CHRNA6: variants seen among roughly 807,000 people sequenced by gnomAD.
The protein encoded by CHRNA6 is neuronal acetylcholine receptor subunit alpha-6.
Under a neutral mutation model 40.9 loss-of-function variants are expected in CHRNA6, and 31 were observed. The observed-to-expected ratio is 0.76, with a 90% confidence interval of 0.57 to 1.02. CHRNA6 has a LOEUF of 1.02. Among genes scored for constraint, CHRNA6 ranks in the 50% least tolerant of loss-of-function variants. CHRNA6 has a pLI of 0.00. For synonymous variants in CHRNA6, 222 were observed against 221.3 expected, an observed-to-expected ratio of 1.00 and a Z score of -0.03; for missense variants, 546 against 596.6, an observed-to-expected ratio of 0.92 and a Z score of 0.88.
chr8:42,767,152 A>G (rs1014036397), intron 1 of CHRNA6, among the ~76,000 whole-genome samples: 2 of 152,158 alleles, frequency 1.3e-5, no homozygotes, highest in African/African-American at 4.8e-5. Context: ...TATTTTTAGT[A>G]GAGACGGGGT....
intron 3 of CHRNA6, among the ~76,000 whole-genome samples, chr8:42,758,205 T>A (rs1347064878): frequency 6.6e-6 from 1 of 152,168 alleles, no homozygotes; most frequent in Non-Finnish European, 1.5e-5. Flanking sequence ...GATTATTAGT[T>A]AGCTGGTTAA....
chr8:42,765,357 T>C (rs1299133864), intron 1 of CHRNA6, among the ~76,000 whole-genome samples, 153 bp from the exon 2 acceptor site: 1 of 152,198 alleles, frequency 6.6e-6, no homozygotes, highest in Non-Finnish European at 1.5e-5. Context: ...GCTCCACCAG[T>C]GCCCATCTCA....
intron 2 of CHRNA6, among the ~76,000 whole-genome samples, chr8:42,764,275 CT>C (rs1236086325): frequency 3.3e-5 from 5 of 152,028 alleles, no homozygotes; most frequent in East Asian, 3.9e-4. Context: ...TTCCCAACCT[CT>C]TTTTTTTCCC....
chr8:42,766,473 C>T (rs1396463795), intron 1 of CHRNA6, among the ~76,000 whole-genome samples: 3 of 146,300 alleles, frequency 2.1e-5, no homozygotes, highest in East Asian at 3.9e-4. Context: ...GCCTGGGCGA[C>T]AGAGTGAGAC....
At chr8:42,763,846 G>C (rs1276249182) in intron 2 of CHRNA6, among the ~76,000 whole-genome samples, 1 of 152,192 alleles carries the variant, frequency 6.6e-6, no homozygotes, top group East Asian at 1.9e-4. Context: ...CCACTGAGAA[G>C]CATGGACTGG....
At position 42,753,175 on chromosome 8, in the gene CHRNA6, C is replaced by T; in HGVS notation, c.*4G>A. 6.3e-7 allele frequency: 1 copy of T among 1,589,198 alleles called. No individual in the cohort carries two copies. The highest frequency in any genetic ancestry group is 2.2e-5 in the East Asian group (1 of 44,710). On this transcript the variant is annotated 3_prime_UTR_variant, in exon 6 of 6. Transcript: ENST00000276410. ...AAATTTCTGAACATAAAAGAAAATA[C>T]ATTTTAAGATTTTCCTGTGTTCCCA...
At chr8:42,757,773 C>T (rs1816829734) in intron 3 of CHRNA6, among the ~76,000 whole-genome samples, 1 of 149,284 alleles carries the variant, frequency 6.7e-6, no homozygotes, top group Admixed American at 6.7e-5. Context: ...ATGGCTCACG[C>T]CTGTAATCCC....
chr8:42,760,101 G>A (rs1816876289), intron 2 of CHRNA6, among the ~76,000 whole-genome samples: 1 of 152,150 alleles, frequency 6.6e-6, no homozygotes, highest in Non-Finnish European at 1.5e-5. Flanking sequence ...TGTTAGATGG[G>A]GAGACATAAA....
At chr8:42,765,273 A>C (rs1816961366) in intron 1 of CHRNA6, 69 bp from the exon 2 acceptor site, 8 of 1,557,080 alleles carry the variant, frequency 5.1e-6, no homozygotes, top group Non-Finnish European at 6.2e-6. Context: ...ATTCTAGGCA[A>C]TTCTTCCCGG....
intron 3 of CHRNA6, among the ~76,000 whole-genome samples, chr8:42,758,364 T>C (rs1273983489): frequency 1.3e-5 from 2 of 149,744 alleles, no homozygotes; most frequent in Non-Finnish European, 3.0e-5. Context: ...TTTTTTTTTG[T>C]TTTGTTTTGT....
chr8:42,758,358 T>TTTTTG (rs1554594203), intron 3 of CHRNA6, among the ~76,000 whole-genome samples: 4 of 151,946 alleles, frequency 2.6e-5, no homozygotes, highest in East Asian at 1.9e-4. Flanking sequence ...TTCTGTTTTT[T>TTTTTG]TTTTGTTTTG....
intron 5 of CHRNA6, among the ~76,000 whole-genome samples, chr8:42,753,761 C>T (rs1461351729): frequency 1.3e-5 from 2 of 152,176 alleles, no homozygotes; most frequent in African/African-American, 2.4e-5. Context: ...AATTTTGTTT[C>T]GTTTGCAGAG....
At chr8:42,753,389 G>T in intron 5 of CHRNA6, 79 bp from the exon 6 acceptor site, 1 of 1,316,164 alleles carries the variant, frequency 7.6e-7, no homozygotes, top group Non-Finnish European at 1.1e-6. Context: ...TCAATAAGCT[G>T]CTTCTTTTTT....
rs1816792613 is a variant in CHRNA6 at position 42,755,961 on chromosome 8, T to C, written c.1238A>G (p.His413Arg). The C allele has an allele frequency of 6.2e-7, 1 of 1,614,158 alleles. No individual in the cohort carries two copies. Among genetic ancestry groups the C allele is most frequent in the Admixed American group, 1.7e-5 (1 of 60,012 alleles). Residue 413 changes from histidine to arginine, a missense_variant, in exon 5 of 6, where the codon CAT (histidine) becomes CGT (arginine). By Grantham distance (29) the His-to-Arg change is conservative (BLOSUM62 0). Around this residue, in one of 3 missense-constraint regions of CHRNA6, gnomAD observed 5 missense variants for 18.4 expected, o/e 0.27. Transcript: ENST00000276410. ...ELATSKRRLS[H>R]QPLQWVVENS... ...TTCCACCACCCACTGTAATGGCTGA[T>C]GACTTAATCTTCTCTTGCTTGTGGC... is the stretch of plus-strand genomic sequence containing the variant.
rs780465151 is a variant in CHRNA6, at chr8:42,756,064, C to G, written c.1135G>C (p.Ala379Pro). 9 of 1,614,208 alleles carry G rather than the reference C, an allele frequency of 5.6e-6. No homozygotes were observed. In the South Asian group the frequency reaches 9.9e-5, roughly 18 times the overall value. Residue 379 changes from alanine (A) to proline (P), a missense_variant, in exon 5 of 6, where the codon GCC becomes CCC. Ala to Pro is a conservative substitution (Grantham distance 27). This residue lies in a region of CHRNA6 where 476 missense variants were observed against 494.5 expected (regional missense o/e 0.96). Coordinates refer to ENST00000276410, the MANE Select transcript of CHRNA6 (RefSeq NM_004198.3). Reference protein sequence around the residue: ...AVPRGLARRPAKGKLASHGEP... With the variant: ...AVPRGLARRPPKGKLASHGEP... ...CCATGGCTTGCAAGCTTGCCTTTGG[C>G]AGGCCTCCTGGCAAGGCCTCTGGGC...
chr8:42,758,336 T>C (rs1282027095), intron 3 of CHRNA6, among the ~76,000 whole-genome samples: 2 of 151,964 alleles, frequency 1.3e-5, no homozygotes, highest in Non-Finnish European at 2.9e-5. Context: ...GTATAAACGA[T>C]TAAGACTTCC....
chr8:42,754,738 G>A (rs1474286780), intron 5 of CHRNA6, among the ~76,000 whole-genome samples: 2 of 152,282 alleles, frequency 1.3e-5, no homozygotes, highest in African/African-American at 4.8e-5. Context: ...TGGGAAATTG[G>A]CATGATTCTC....
chr8:42,757,356 GAA>G (rs11289227), intron 3 of CHRNA6, among the ~76,000 whole-genome samples: 1 of 148,256 alleles, frequency 6.7e-6, no homozygotes, highest in African/African-American at 2.5e-5. Flanking sequence ...ACTCTATCTG[GAA>G]AAAAAAAATG....
chr8:42,764,570 G>T (rs1309767005), intron 2 of CHRNA6, among the ~76,000 whole-genome samples: 1 of 152,108 alleles, frequency 6.6e-6, no homozygotes, highest in Admixed American at 6.6e-5. Context: ...CAAGGGATCC[G>T]CCTGCTTCAG....
Sources: gnomAD v4.1 joint callset for allele counts (sites outside exome capture counted in the v4.1 genomes callset) on GRCh38, gnomAD v4.1.1 for gene constraint, gnomAD v4.1.1 regional missense constraint, MANE v1.5 for transcripts, NCBI Gene and HGNC (gene_info 2026-07-23, HGNC 2026-07-21) for gene names.